The following ROBO2 variants were observed in gnomAD, a reference collection of about 807,000 sequenced individuals.
ROBO2 encodes the protein roundabout homolog 2.
In ROBO2, 53 loss-of-function variants were observed where a neutral mutation model predicts 160.8. That is an observed-to-expected ratio of 0.33 (90% CI 0.26 to 0.41). The LOEUF is 0.41. Among genes scored for constraint, ROBO2 ranks in the 10% least tolerant of loss-of-function variants. ROBO2 has a pLI of 1.00. For missense variants in ROBO2, 1,577 were observed against 1,722.4 expected, an observed-to-expected ratio of 0.92 and a Z score of 1.49; for synonymous variants, 664 against 611.7, an observed-to-expected ratio of 1.09 and a Z score of -1.26.
intron 8 of ROBO2, among the ~76,000 whole-genome samples, chr3:77,551,827 G>A (rs1042774779): frequency 2.0e-5 from 3 of 151,966 alleles, no homozygotes; most frequent in Non-Finnish European, 4.4e-5. Context: ...GAAATTTGAT[G>A]TGCTTTTATA....
chr3:76,133,894 C>T (rs1223943991), intron 2 of ROBO2, among the ~76,000 whole-genome samples: 1 of 151,548 alleles, frequency 6.6e-6, no homozygotes, highest in East Asian at 1.9e-4. Context: ...TGACAACGCC[C>T]TCACAGACAC....
At chr3:77,028,696 G>C (rs898888487) in intron 2 of ROBO2, among the ~76,000 whole-genome samples, 1 of 152,068 alleles carries the variant, frequency 6.6e-6, no homozygotes, top group Non-Finnish European at 1.5e-5. Context: ...TCCAGCCTGG[G>C]TGACAGAGCG....
intron 2 of ROBO2, among the ~76,000 whole-genome samples, chr3:77,472,375 C>A (rs915256826): frequency 3.3e-5 from 5 of 152,270 alleles, no homozygotes; most frequent in African/African-American, 1.2e-4. Flanking sequence ...GTGTTTGTCA[C>A]ATTACAGCAT....
chr3:77,028,553 TA>T (rs990007993), intron 2 of ROBO2, among the ~76,000 whole-genome samples: 1 of 151,390 alleles, frequency 6.6e-6, no homozygotes, highest in Non-Finnish European at 1.5e-5. Context: ...CTGTCTCTAA[TA>T]AAAAAAATAC....
At chr3:76,851,764 A>AATATATATATATATATATATATAT (rs1553659596) in intron 2 of ROBO2, among the ~76,000 whole-genome samples, 6 of 137,050 alleles carry the variant, frequency 4.4e-5, no homozygotes, top group East Asian at 2.6e-4. Flanking sequence ...AAAAAAAAAA[A>AATATATATATATATATATATATAT]ATATTAACAT....
chr3:77,293,637 A>C (rs1465463113), intron 2 of ROBO2, among the ~76,000 whole-genome samples: 4 of 141,456 alleles, frequency 2.8e-5, no homozygotes, highest in Admixed American at 1.5e-4. Flanking sequence ...TAAACGGGTA[A>C]GCTGAGGCTA....
chr3:77,278,927 G>A (rs1011253849), intron 2 of ROBO2, among the ~76,000 whole-genome samples: 1 of 152,010 alleles, frequency 6.6e-6, no homozygotes, highest in Admixed American at 6.6e-5. Flanking sequence ...CGTAATCATG[G>A]TAACAGCTGG....
intron 2 of ROBO2, among the ~76,000 whole-genome samples, chr3:76,673,691 A>G (rs560067419): frequency 1.3e-5 from 2 of 152,282 alleles, no homozygotes; most frequent in South Asian, 4.2e-4. Flanking sequence ...TTTCATCATT[A>G]TAAGTTTCTA....
intron 2 of ROBO2, among the ~76,000 whole-genome samples, chr3:76,736,945 A>G (rs919371182): frequency 6.6e-6 from 1 of 152,178 alleles, no homozygotes; most frequent in African/African-American, 2.4e-5. Flanking sequence ...ATAATATTTC[A>G]TTGTTACAGC....
At chr3:77,471,797 A>G (rs552662146) in intron 2 of ROBO2, among the ~76,000 whole-genome samples, 83 of 152,152 alleles carry the variant, frequency 5.5e-4, no homozygotes, top group Non-Finnish European at 9.4e-4. Flanking sequence ...GACACAGGCA[A>G]TTTTAGAAGA....
At chr3:75,958,407 T>A (rs1294803220) in intron 2 of ROBO2, among the ~76,000 whole-genome samples, 1 of 151,812 alleles carries the variant, frequency 6.6e-6, no homozygotes, top group East Asian at 1.9e-4. Context: ...AGCTTATGCT[T>A]TAGTGGAGAA....
In ROBO2 at chr3:76,402,748, A is replaced by C. The variant is rs3913573; in HGVS notation, c.109+465146A>C. Among the ~76,000 whole-genome samples, 426 of 151,610 alleles carry C rather than the reference A, an allele frequency of 2.8e-3. 1 individual carries two copies. Among genetic ancestry groups the C allele is most frequent in the African/African-American group, 9.9e-3 (412 of 41,476 alleles). On this transcript the variant is annotated intron_variant, in intron 2 of 26. Transcript: ENST00000487694. ...TCTTGGTACCTCTTTTTCAACTAGAAAGCCAGCAACTGGGGGTCAAATTCC... is the reference window on the plus strand; with the variant it reads ...TCTTGGTACCTCTTTTTCAACTAGACAGCCAGCAACTGGGGGTCAAATTCC...
At chr3:76,130,537 T>G (rs958214099) in intron 2 of ROBO2, among the ~76,000 whole-genome samples, 2 of 152,100 alleles carry the variant, frequency 1.3e-5, no homozygotes, top group South Asian at 2.1e-4. Flanking sequence ...CACATATCAC[T>G]GATGCCATGC....
chr3:77,239,320 G>A (rs528003257), intron 2 of ROBO2, among the ~76,000 whole-genome samples: 10 of 152,058 alleles, frequency 6.6e-5, no homozygotes, highest in South Asian at 2.1e-4. Context: ...AGAGTTGTTC[G>A]TTCCTCCCGT....
chr3:76,722,254 G>A (rs546393233), intron 2 of ROBO2, among the ~76,000 whole-genome samples: 9 of 152,002 alleles, frequency 5.9e-5, no homozygotes, highest in Admixed American at 1.3e-4. Context: ...CCAAGTAGCC[G>A]GGATTACAGG....
intron 2 of ROBO2, among the ~76,000 whole-genome samples, chr3:76,412,385 C>T (rs1289786023): frequency 6.6e-6 from 1 of 152,174 alleles, no homozygotes; most frequent in Non-Finnish European, 1.5e-5. Context: ...ATCATGCCTT[C>T]CCAACAGTCC....
chr3:76,796,841 A>G (rs2063736860), intron 2 of ROBO2, among the ~76,000 whole-genome samples: 1 of 152,066 alleles, frequency 6.6e-6, no homozygotes, highest in Admixed American at 6.6e-5. Context: ...TAAAAACTGT[A>G]AAAGGAATCA....
At position 76,863,455 on chromosome 3, in the gene ROBO2, A is replaced by AAG. The variant is rs1553665911; in HGVS notation, c.110-234558_110-234557insGA. Among the ~76,000 whole-genome samples, 1,266 of 150,886 alleles carry AAG rather than the reference A, an allele frequency of 8.4e-3. 25 individuals are homozygous for AAG. Among genetic ancestry groups the AAG allele is most frequent in the African/African-American group, 0.03 (1,230 of 40,966 alleles). On this transcript the variant is annotated intron_variant, in intron 2 of 26. Transcript: ENST00000487694. ...CCTGTCTCAAAAAAAAAGAAAAAAGAAAAGAAAAGAAAGAAAATAAAGCAG... is the reference window on the plus strand; with the variant it reads ...CCTGTCTCAAAAAAAAAGAAAAAAGAAGAAAGAAAAGAAAGAAAATAAAGCAG...
intron 21 of ROBO2, 25 bp from the exon 23 acceptor site, chr3:77,617,488 G>A: frequency 6.2e-7 from 1 of 1,613,580 alleles, no homozygotes; most frequent in Non-Finnish European, 8.5e-7. Flanking sequence ...GTGTCAATGT[G>A]CATATTTTTC....
Sources: allele counts gnomAD v4.1 joint callset (sites outside exome capture counted in the v4.1 genomes callset), GRCh38; gene constraint gnomAD v4.1.1; transcripts MANE v1.5; gene names NCBI Gene and HGNC (gene_info 2026-07-23, HGNC 2026-07-21).